PLCB1: variants seen among roughly 807,000 people sequenced by gnomAD.
PLCB1 encodes phospholipase C beta 1.
Under a neutral mutation model 161.8 loss-of-function variants are expected in PLCB1, and 46 were observed. That is an observed-to-expected ratio of 0.28 (90% CI 0.22 to 0.36). The LOEUF (loss-of-function observed/expected upper bound fraction) is 0.36, where lower values mean the gene tolerates loss of function less well. PLCB1 is among the 10% of genes least tolerant of loss of function. The pLI, the probability that PLCB1 is intolerant of heterozygous loss-of-function variation, is 1.00. For synonymous variants in PLCB1, 517 were observed against 503.7 expected, an observed-to-expected ratio of 1.03 and a Z score of -0.35; for missense variants, 1,016 against 1,472.5, an observed-to-expected ratio of 0.69 and a Z score of 5.07.
At chr20:8,335,909 T>C (rs1985557417) in intron 2 of PLCB1, among the ~76,000 whole-genome samples, 1 of 152,174 alleles carries the variant, frequency 6.6e-6, no homozygotes, top group Non-Finnish European at 1.5e-5. Flanking sequence ...GCTGACTGCC[T>C]ACAATAACGC....
At chr20:8,255,348 A>G (rs543438525) in intron 2 of PLCB1, among the ~76,000 whole-genome samples, 4 of 152,108 alleles carry the variant, frequency 2.6e-5, no homozygotes, top group Non-Finnish European at 4.4e-5. Flanking sequence ...CAAACACTGG[A>G]TGGAAGTAGA....
chr20:8,709,853 T>C (rs1978896824), intron 12 of PLCB1, among the ~76,000 whole-genome samples: 1 of 152,210 alleles, frequency 6.6e-6, no homozygotes, highest in African/African-American at 2.4e-5. Flanking sequence ...CCAACGCTTC[T>C]GAGGGTCAAA....
chr20:8,201,341 T>A (rs934656616), intron 2 of PLCB1, among the ~76,000 whole-genome samples: 4 of 152,058 alleles, frequency 2.6e-5, no homozygotes, highest in Admixed American at 1.3e-4. Context: ...CTTTAAATCT[T>A]AAATAGATAA....
intron 2 of PLCB1, among the ~76,000 whole-genome samples, chr20:8,182,572 A>T (rs926081497): frequency 1.4e-5 from 2 of 145,678 alleles, no homozygotes; most frequent in African/African-American, 5.4e-5. Flanking sequence ...ACAGTTGATT[A>T]TCTTTTTTTT....
At chr20:8,813,450 A>T (rs1422015511) in intron 31 of PLCB1, among the ~76,000 whole-genome samples, 1 of 152,190 alleles carries the variant, frequency 6.6e-6, no homozygotes, top group Non-Finnish European at 1.5e-5. Context: ...GCTCTAAAGT[A>T]AACTATTTCA....
chr20:8,141,614 G>A (rs963056648), intron 1 of PLCB1, among the ~76,000 whole-genome samples: 35 of 129,934 alleles, frequency 2.7e-4, no homozygotes, highest in African/African-American at 8.9e-4. Flanking sequence ...GCGACAGAGC[G>A]ATACTCCGAA....
chr20:8,690,256 C>G (rs1027099643), intron 10 of PLCB1, among the ~76,000 whole-genome samples: 1 of 151,504 alleles, frequency 6.6e-6, no homozygotes, highest in Non-Finnish European at 1.5e-5. Context: ...TGCCTGCTGC[C>G]TAGAAAAAGC....
At chr20:8,264,399 A>C (rs1981850463) in intron 2 of PLCB1, among the ~76,000 whole-genome samples, 1 of 152,210 alleles carries the variant, frequency 6.6e-6, no homozygotes, top group South Asian at 2.1e-4. Flanking sequence ...TATTAGGAAG[A>C]GTATACTCTA....
chr20:8,302,487 G>GA (rs1403633899), intron 2 of PLCB1, among the ~76,000 whole-genome samples: 1 of 152,158 alleles, frequency 6.6e-6, no homozygotes, highest in African/African-American at 2.4e-5. Context: ...GTCAAAATTA[G>GA]ACTTTTAATT....
chr20:8,180,709 T>C (rs1176643512), intron 2 of PLCB1, among the ~76,000 whole-genome samples: 1 of 152,104 alleles, frequency 6.6e-6, no homozygotes, highest in African/African-American at 2.4e-5. Flanking sequence ...CAAATGAAAA[T>C]TTGGGTTAAC....
chr20:8,563,313 C>G (rs552801879), intron 3 of PLCB1, among the ~76,000 whole-genome samples: 2 of 152,020 alleles, frequency 1.3e-5, no homozygotes, highest in South Asian at 4.2e-4. Flanking sequence ...TAAAAAGTCT[C>G]AGCTGAAAAA....
intron 1 of PLCB1, among the ~76,000 whole-genome samples, chr20:8,133,872 G>A (rs2122995099): frequency 6.6e-6 from 1 of 152,302 alleles, no homozygotes; most frequent in Non-Finnish European, 1.5e-5. Flanking sequence ...ATTATAGCCT[G>A]TTATCCTCTA....
chr20:8,320,889 GAA>G (rs1476063101), intron 2 of PLCB1, among the ~76,000 whole-genome samples: 3 of 148,166 alleles, frequency 2.0e-5, no homozygotes, highest in African/African-American at 5.0e-5. Flanking sequence ...AGGAAAGAAA[GAA>G]AGAGAGAAGA....
chr20:8,517,243 A>G (rs1055815208), intron 3 of PLCB1, among the ~76,000 whole-genome samples: 1 of 152,206 alleles, frequency 6.6e-6, no homozygotes, highest in African/African-American at 2.4e-5. Context: ...CCAACTCAAG[A>G]TGCAGGAACA....
At chr20:8,575,661 G>A (rs1244761505) in intron 3 of PLCB1, among the ~76,000 whole-genome samples, 1 of 152,210 alleles carries the variant, frequency 6.6e-6, no homozygotes, top group Non-Finnish European at 1.5e-5. Flanking sequence ...ACCGAAGAGT[G>A]CTAACAGAGG....
intron 15 of PLCB1, among the ~76,000 whole-genome samples, chr20:8,723,831 C>T (rs1487130589): frequency 6.6e-6 from 1 of 152,020 alleles, no homozygotes; most frequent in Admixed American, 6.6e-5. Flanking sequence ...TCCTGCTTGT[C>T]TAAGACACAT....
chr20:8,375,235 G>T (rs1987033712), intron 3 of PLCB1, among the ~76,000 whole-genome samples: 1 of 152,048 alleles, frequency 6.6e-6, no homozygotes, highest in South Asian at 2.1e-4. Flanking sequence ...CCTCCTTCCG[G>T]CCCTCCCAGG....
intron 2 of PLCB1, among the ~76,000 whole-genome samples, chr20:8,294,883 G>C (rs1483541696): frequency 6.6e-6 from 1 of 151,884 alleles, no homozygotes; most frequent in East Asian, 1.9e-4. Context: ...AATGACCATC[G>C]ATAGGAAAAT....
At chr20:8,833,045 G>A (rs1986091422) in intron 31 of PLCB1, among the ~76,000 whole-genome samples, 2 of 152,162 alleles carry the variant, frequency 1.3e-5, no homozygotes, top group African/African-American at 4.8e-5. Context: ...GTTTGGAAAA[G>A]AGATATTTAA....
Sources: allele counts gnomAD v4.1 joint callset (sites outside exome capture counted in the v4.1 genomes callset), GRCh38; gene constraint gnomAD v4.1.1; transcripts MANE v1.5; gene names NCBI Gene and HGNC (gene_info 2026-07-23, HGNC 2026-07-21).